Variants in CEP152 observed in about 807,000 individuals in gnomAD.
CEP152 encodes the protein centrosomal protein 152.
CEP152 carries 132 observed loss-of-function variants against 188.9 expected under a neutral mutation model. The observed-to-expected ratio is 0.70, with a 90% confidence interval of 0.61 to 0.81. CEP152 has a LOEUF of 0.81. Among genes scored for constraint, CEP152 ranks in the 30% least tolerant of loss-of-function variants. The pLI is 0.00. For missense variants in CEP152, 1,914 were observed against 1,969.8 expected (o/e 0.97, Z 0.54); for synonymous variants, 649 against 666.6 (o/e 0.97, Z 0.41).
At chr15:48,761,283 C>T (rs554336126) in intron 18 of CEP152, among the ~76,000 whole-genome samples, 2 of 152,096 alleles carry the variant, frequency 1.3e-5, no homozygotes, top group African/African-American at 4.8e-5. Flanking sequence ...TTAAAGGTGC[C>T]CTGTAAAATC....
rs1198565377 is a variant in CEP152 at position 48,740,965 on chromosome 15, A to G, written c.4093+636T>C. ...CCCATTCATATCCCCTAGGCCCTCT[A>G]TTTCTCCTGGAACATATCACCCTCA... On this transcript the variant is annotated intron_variant, in intron 26 of 26. Coordinates refer to ENST00000380950, the MANE Select transcript of CEP152 (RefSeq NM_001194998.2). The G allele has an allele frequency of 8.7e-6, 8 of 921,466 alleles. No individual in the cohort carries two copies. The South Asian group carries it at 1.5e-4, about 17-fold the overall frequency. The allele number at this position is 921,466 out of a possible 1,614,324, so 57.1% of individuals were successfully genotyped here. A position where few individuals can be genotyped will look rare whatever the true frequency, so the allele number is the denominator to read the frequency against.
Position 48,756,068 on chromosome 15 carries a change from C to T in CEP152, c.3180G>A (p.Glu1060=), listed in dbSNP as rs1185657686. ...GCTTGTCCTCAGAATCACTGATGTG[C>T]TCCTTTTGGGTATCACTTAAAAGAA... ...LGVLLSDTQK[E]HISDSEDKQL... The change falls in exon 20 of 27, where the codon GAG becomes GAA. Residue 1060 remains glutamate, a synonymous_variant. Transcript: ENST00000380950. 18 of 1,614,092 alleles carry T rather than the reference C, an allele frequency of 1.1e-5. No homozygotes were observed. Among genetic ancestry groups the T allele is most frequent in the South Asian group, 4.4e-5 (4 of 91,078 alleles).
intron 13 of CEP152, among the ~76,000 whole-genome samples, chr15:48,770,769 T>C (rs971456157): frequency 2.6e-5 from 4 of 152,244 alleles, no homozygotes; most frequent in Admixed American, 2.0e-4. Flanking sequence ...GCTGTTAATA[T>C]TAAAATCTAT....
intron 12 of CEP152, among the ~76,000 whole-genome samples, chr15:48,777,152 C>T (rs978511445): frequency 6.6e-6 from 1 of 151,758 alleles, no homozygotes; most frequent in Non-Finnish European, 1.5e-5. Context: ...TGGTTGGGAT[C>T]CCAGAACAGA....
Position 48,738,745 on chromosome 15 carries a change from T to C in CEP152, c.4637A>G (p.Asn1546Ser), listed in dbSNP as rs1390258871. Residue 1546 changes from asparagine to serine, a missense_variant, in exon 27 of 27, where the codon AAT becomes AGT. Transcript: ENST00000380950. Reference protein sequence around the residue: ...YKCNPLMESENAASEKSQGLD... With the variant: ...YKCNPLMESESAASEKSQGLD... ...ACCTTGACTTTTCTCAGATGCAGCATTTTCACTTTCCATTAGTGGATTGCA... is the reference window on the plus strand; with the variant it reads ...ACCTTGACTTTTCTCAGATGCAGCACTTTCACTTTCCATTAGTGGATTGCA... 18 of 1,614,208 alleles carry C rather than the reference T, an allele frequency of 1.1e-5. No homozygotes were observed. The highest frequency in any genetic ancestry group is 1.5e-5 in the Non-Finnish European group (18 of 1,180,028).
rs1893938900 is a variant in CEP152 at position 48,752,406 on chromosome 15, G to A, written c.3409C>T (p.Pro1137Ser). Residue 1137 changes from proline (P) to serine (S), a missense_variant, in exon 21 of 27, where the codon CCT becomes TCT. Transcript: ENST00000380950. The part of the protein sequence containing the change: ...SQGTGQGDPG[P>S]AAGHHAQPLA... The stretch of plus-strand genomic sequence containing the variant: ...GGCTGAGCATGGTGTCCAGCAGCAG[G>A]TCCAGGGTCTCCTTGGCCAGTGCCC... The A allele has an allele frequency of 6.2e-7, 1 of 1,613,814 alleles. No individual in the cohort carries two copies. Among genetic ancestry groups the A allele is most frequent in the African/African-American group, 1.3e-5 (1 of 74,900 alleles).
At chr15:48,794,244 A>G (rs1332148874) in intron 6 of CEP152, among the ~76,000 whole-genome samples, 1 of 152,080 alleles carries the variant, frequency 6.6e-6, no homozygotes, top group African/African-American at 2.4e-5. Flanking sequence ...TCATTTGGGG[A>G]CCACTTTAAA....
intron 17 of CEP152, among the ~76,000 whole-genome samples, chr15:48,763,944 G>C (rs1438975269): frequency 1.3e-5 from 2 of 152,092 alleles, no homozygotes; most frequent in Non-Finnish European, 2.9e-5. Context: ...TATGAAATCA[G>C]ATCATGGTTT....
chr15:48,736,023 C>T (rs978653867), downstream of CEP152, among the ~76,000 whole-genome samples: 2 of 152,080 alleles, frequency 1.3e-5, no homozygotes, highest in African/African-American at 2.4e-5. Flanking sequence ...ACTGTGTCAA[C>T]AAATTAGACA....
intron 2 of CEP152, among the ~76,000 whole-genome samples, chr15:48,798,881 A>G (rs1475493827): frequency 1.3e-5 from 2 of 152,040 alleles, no homozygotes; most frequent in African/African-American, 2.4e-5. Flanking sequence ...TAGGATTTCA[A>G]TAACTGTCTG....
At chr15:48,770,511 T>C (rs1007085283) in intron 13 of CEP152, among the ~76,000 whole-genome samples, 3 of 152,202 alleles carry the variant, frequency 2.0e-5, no homozygotes, top group Admixed American at 2.0e-4. Flanking sequence ...GCAAGTTTAA[T>C]ACAGAACAAA....
chr15:48,759,824 T>G (rs1894547520), intron 19 of CEP152, among the ~76,000 whole-genome samples: 1 of 152,218 alleles, frequency 6.6e-6, no homozygotes, highest in African/African-American at 2.4e-5. Context: ...TCTTTAAGCA[T>G]GTGAAAGGAT....
chr15:48,780,071 C>A (rs538706126), intron 12 of CEP152, among the ~76,000 whole-genome samples: 1 of 152,290 alleles, frequency 6.6e-6, no homozygotes, highest in South Asian at 2.1e-4. Context: ...CTTGCCCTAG[C>A]CCTCTGCAGT....
In CEP152 at chr15:48,793,435, G is replaced by A; in HGVS notation, c.718C>T (p.Gln240Ter). Residue 240 changes from glutamine (Q) to a stop codon, truncating the protein, a stop_gained, in exon 7 of 27, where the codon CAA (glutamine) becomes TAA (stop). Coordinates refer to ENST00000380950, the MANE Select transcript of CEP152 (RefSeq NM_001194998.2). LOFTEE classifies it high-confidence loss of function. Reference protein sequence around the residue: ...ENSAENMQIIQLQVLNKAKER... With the variant: ...ENSAENMQII ...TTTGCTTTGTTAAGAACCTGAAGTT[G>A]AATAATCTGCATATTTTCTGCAGAG... 1 of 1,613,490 alleles carries A rather than the reference G, an allele frequency of 6.2e-7. No homozygotes were observed. Among genetic ancestry groups the A allele is most frequent in the Non-Finnish European group, 8.5e-7 (1 of 1,179,712 alleles).
intron 8 of CEP152, 144 bp from the exon 9 acceptor site, chr15:48,789,145 G>A (rs1035715045): frequency 1.3e-6 from 1 of 756,250 alleles, no homozygotes; most frequent in Non-Finnish European, 2.2e-6. Context: ...CGCTCATCAT[G>A]GCTCAAGCTC....
At chr15:48,750,299 A>G (rs1471612458) in intron 21 of CEP152, among the ~76,000 whole-genome samples, 2 of 152,132 alleles carry the variant, frequency 1.3e-5, no homozygotes, top group Admixed American at 1.3e-4. Context: ...GTCATTAGTA[A>G]TACATAAAAT....
At chr15:48,779,355 C>A (rs1740397609) in intron 12 of CEP152, among the ~76,000 whole-genome samples, 1 of 152,190 alleles carries the variant, frequency 6.6e-6, no homozygotes, top group African/African-American at 2.4e-5. Context: ...CCAACTCTCA[C>A]ATGTTGATAT....
At chr15:48,739,346 C>A in intron 26 of CEP152, 58 bp from the exon 27 acceptor site, 2 of 1,512,952 alleles carry the variant, frequency 1.3e-6, no homozygotes, top group Non-Finnish European at 1.8e-6. Flanking sequence ...AGGGAAGATT[C>A]ATCCTTGAAC....
chr15:48,751,290 A>G (rs973498826), intron 21 of CEP152, among the ~76,000 whole-genome samples: 1 of 152,252 alleles, frequency 6.6e-6, no homozygotes, highest in African/African-American at 2.4e-5. Flanking sequence ...AGTAACATCC[A>G]AAACTTGTTT....
Sources: allele counts gnomAD v4.1 joint callset (sites outside exome capture counted in the v4.1 genomes callset), GRCh38; gene constraint gnomAD v4.1.1; transcripts MANE v1.5; gene names NCBI Gene and HGNC (gene_info 2026-07-23, HGNC 2026-07-21).